The following AGBL4 variants were observed in gnomAD, a reference collection of about 807,000 sequenced individuals.
AGBL4 encodes cytosolic carboxypeptidase 6.
In AGBL4, 58 loss-of-function variants were observed where a neutral mutation model predicts 66.4. The ratio of observed to expected loss-of-function variants is 0.87; its 90% CI spans 0.71 to 1.09. The LOEUF is 1.09. AGBL4 is among the 50% of genes least tolerant of loss of function. The pLI, the probability that AGBL4 is intolerant of heterozygous loss-of-function variation, is 0.00. For synonymous variants in AGBL4, 234 were observed against 222.9 expected, an observed-to-expected ratio of 1.05 and a Z score of -0.44; for missense variants, 579 against 631.0, an observed-to-expected ratio of 0.92 and a Z score of 0.88.
In AGBL4 at chr1:49,853,757, G is replaced by A. The variant is rs984456121; in HGVS notation, c.35-2239C>T. ...TTTCTCTTTGAAATATATAAACTGT[G>A]CAAACCAAAAGTCAAGGTAATGATA... On this transcript the variant is annotated intron_variant, in intron 1 of 13. Transcript: ENST00000371839. Among the ~76,000 whole-genome samples, 4 of 151,988 alleles carry A rather than the reference G, an allele frequency of 2.6e-5. No homozygotes were observed. The East Asian group carries it at 7.7e-4, about 29-fold the overall frequency.
chr1:49,474,208 T>C (rs1646804110), intron 3 of AGBL4, among the ~76,000 whole-genome samples: 2 of 152,104 alleles, frequency 1.3e-5, no homozygotes, highest in African/African-American at 2.4e-5. Flanking sequence ...AATCTGTAGA[T>C]TGCTTTGGGC....
intron 3 of AGBL4, among the ~76,000 whole-genome samples, chr1:49,352,154 T>C (rs1469726232): frequency 2.6e-5 from 4 of 152,176 alleles, no homozygotes; most frequent in Non-Finnish European, 5.9e-5. Flanking sequence ...TCATTCAACA[T>C]ACTCACAGAA....
intron 1 of AGBL4, among the ~76,000 whole-genome samples, chr1:49,948,164 A>G (rs1171052159): frequency 9.8e-6 from 1 of 102,428 alleles, no homozygotes; most frequent in African/African-American, 4.2e-5. Flanking sequence ...ATACGTAAAT[A>G]TATAAATATA....
chr1:50,011,682 A>T (rs1661544657), intron 1 of AGBL4, among the ~76,000 whole-genome samples: 1 of 152,246 alleles, frequency 6.6e-6, no homozygotes, highest in Non-Finnish European at 1.5e-5. Context: ...ACATACACAC[A>T]ATGGAGTCCT....
chr1:49,444,524 A>G (rs1167267), intron 3 of AGBL4, among the ~76,000 whole-genome samples: 10,436 of 152,054 alleles, frequency 0.069, 1,120 homozygotes, highest in African/African-American at 0.23. Context: ...TCATTATGTA[A>G]TAACCTTTTT....
intron 2 of AGBL4, among the ~76,000 whole-genome samples, chr1:49,848,628 G>A (rs772157101): frequency 6.6e-6 from 1 of 152,216 alleles, no homozygotes; most frequent in African/African-American, 2.4e-5. Context: ...CATATAGAAC[G>A]TGGAATAATA....
chr1:49,422,434 G>T (rs376706080), intron 3 of AGBL4, among the ~76,000 whole-genome samples: 5 of 152,116 alleles, frequency 3.3e-5, no homozygotes, highest in Admixed American at 6.5e-5. Flanking sequence ...TCTCAACTAG[G>T]TCATGCTGGC....
At chr1:49,094,247 C>A (rs1382626455) in intron 4 of AGBL4, among the ~76,000 whole-genome samples, 1 of 152,042 alleles carries the variant, frequency 6.6e-6, no homozygotes, top group Non-Finnish European at 1.5e-5. Flanking sequence ...CCAAAGATGT[C>A]CACGTTCTAA....
At position 49,096,692 on chromosome 1, in the gene AGBL4, G is replaced by C. The variant is rs191490736; in HGVS notation, c.378-50892C>G. ...CATCACACACTGGGGCCTGTTATGG[G>C]GTGGGGGGAGGGGGGAGGGATAGCA... On this transcript the variant is annotated intron_variant, in intron 4 of 13. Coordinates refer to ENST00000371839, the MANE Select transcript of AGBL4 (RefSeq NM_032785.4). Among the ~76,000 whole-genome samples the C allele has an allele frequency of 5.2e-3, 564 of 108,618 alleles. 5 individuals carry two copies. Among genetic ancestry groups the C allele is most frequent in the Admixed American group, 0.011 (84 of 7,880 alleles). The allele number at this position is 108,618 out of a possible 152,430, so 71.3% of individuals were successfully genotyped here. A position where few individuals can be genotyped will look rare whatever the true frequency, so the allele number is the denominator to read the frequency against.
At chr1:48,817,908 G>A in intron 6 of AGBL4, 1 of 620,034 alleles carries the variant, frequency 1.6e-6, no homozygotes, top group Non-Finnish European at 2.9e-6. Flanking sequence ...ATCCATTTTG[G>A]GTGAATGGTG....
chr1:48,607,252 C>T (rs545117709), intron 9 of AGBL4, among the ~76,000 whole-genome samples: 1 of 152,208 alleles, frequency 6.6e-6, no homozygotes, highest in African/African-American at 2.4e-5. Flanking sequence ...CTTTGTCCTA[C>T]TAGCCACATT....
intron 1 of AGBL4, among the ~76,000 whole-genome samples, chr1:49,996,525 TA>T (rs1034483259): frequency 9.9e-5 from 15 of 151,446 alleles, no homozygotes; most frequent in Admixed American, 5.9e-4. Context: ...GAAAAAGGAA[TA>T]AAAAAAATGA....
At chr1:49,875,089 T>C (rs1384642147) in intron 1 of AGBL4, among the ~76,000 whole-genome samples, 2 of 150,410 alleles carry the variant, frequency 1.3e-5, no homozygotes, top group Non-Finnish European at 3.0e-5. Context: ...GGTTTTTTTG[T>C]TCTTGTGATA....
At chr1:48,896,018 C>A (rs1651473253) in intron 5 of AGBL4, among the ~76,000 whole-genome samples, 2 of 152,272 alleles carry the variant, frequency 1.3e-5, no homozygotes, top group East Asian at 1.9e-4. Context: ...GGTTGCCATT[C>A]AAAAATGGCG....
At chr1:49,133,003 C>T (rs1056820554) in intron 4 of AGBL4, among the ~76,000 whole-genome samples, 13 of 151,990 alleles carry the variant, frequency 8.6e-5, no homozygotes, top group African/African-American at 2.4e-4. Flanking sequence ...TGCCCATCAA[C>T]GATAGACTGG....
At chr1:48,525,980 G>A in the AGBL4 span, among the ~76,000 whole-genome samples, 3 of 152,244 alleles carry the variant, frequency 2.0e-5, no homozygotes, top group African/African-American at 4.8e-5. Context: ...AAAGCACCTC[G>A]CTTGTTGTTA....
intron 6 of AGBL4, among the ~76,000 whole-genome samples, chr1:48,696,932 C>T (rs1392922911): frequency 1.3e-5 from 2 of 152,180 alleles, no homozygotes; most frequent in African/African-American, 2.4e-5. Flanking sequence ...CTTGCTGACA[C>T]CCTTTGCACT....
intron 6 of AGBL4, among the ~76,000 whole-genome samples, chr1:48,703,219 G>C (rs144765253): frequency 5.5e-4 from 83 of 152,290 alleles, no homozygotes; most frequent in Non-Finnish European, 9.6e-4. Flanking sequence ...CTTCTAAGAA[G>C]AGAAGGAAGG....
At chr1:49,264,156 A>C (rs757420022) in intron 3 of AGBL4, among the ~76,000 whole-genome samples, 4 of 152,084 alleles carry the variant, frequency 2.6e-5, no homozygotes, top group Non-Finnish European at 5.9e-5. Context: ...AGGTAAGGAG[A>C]GAGGATGTTA....
Sources: gnomAD v4.1 joint callset for allele counts (sites outside exome capture counted in the v4.1 genomes callset) on GRCh38, gnomAD v4.1.1 for gene constraint, MANE v1.5 for transcripts, NCBI Gene and HGNC (gene_info 2026-07-23, HGNC 2026-07-21) for gene names.